VAT1L: variants seen among roughly 807,000 people sequenced by gnomAD.
The protein encoded by VAT1L is vesicle amine transport 1 like, also known as putative NADPH-dependent quinone oxidoreductase VAT1L.
A neutral mutation model predicts 44.1 loss-of-function variants in VAT1L; 34 were observed. The observed-to-expected ratio is 0.77, with a 90% CI of 0.59 to 1.03. VAT1L has a LOEUF of 1.03. Ranked by LOEUF, VAT1L falls within the 50% of genes least tolerant of loss-of-function variation. The probability of loss-of-function intolerance (pLI) is 0.00; values close to 1 mark genes in which losing one functional copy is unlikely to be tolerated. For missense variants in VAT1L, 615 were observed against 538.8 expected, an observed-to-expected ratio of 1.14 and a Z score of -1.40; for synonymous variants, 253 against 202.2, an observed-to-expected ratio of 1.25 and a Z score of -2.13.
intron 1 of VAT1L, among the ~76,000 whole-genome samples, chr16:77,795,306 A>T (rs914754343): frequency 2.0e-5 from 3 of 151,946 alleles, no homozygotes; most frequent in African/African-American, 7.3e-5. Context: ...TGAGAAATTA[A>T]GATTTGTTTT....
intron 7 of VAT1L, among the ~76,000 whole-genome samples, chr16:77,942,298 G>T (rs1487561165): frequency 2.6e-5 from 4 of 152,064 alleles, no homozygotes; most frequent in Non-Finnish European, 4.4e-5. Flanking sequence ...ACTATCACGT[G>T]AACAGCACAT....
At chr16:77,964,339 C>T (rs1291050511) in intron 7 of VAT1L, among the ~76,000 whole-genome samples, 4 of 152,158 alleles carry the variant, frequency 2.6e-5, no homozygotes, top group South Asian at 2.1e-4. Flanking sequence ...AGCAGGGCTG[C>T]GTTCCTCGTG....
intron 1 of VAT1L, among the ~76,000 whole-genome samples, chr16:77,790,893 G>A (rs1054469664): frequency 1.3e-5 from 2 of 152,188 alleles, no homozygotes; most frequent in African/African-American, 4.8e-5. Flanking sequence ...TGAAGGCCAA[G>A]AGATTGATTT....
At chr16:77,922,421 A>G (rs2017621983) in intron 7 of VAT1L, among the ~76,000 whole-genome samples, 1 of 152,218 alleles carries the variant, frequency 6.6e-6, no homozygotes, top group African/African-American at 2.4e-5. Context: ...AGCCACTGTT[A>G]GAAATGTGCT....
chr16:77,923,677 G>A (rs1043792448), intron 7 of VAT1L, among the ~76,000 whole-genome samples: 4 of 152,198 alleles, frequency 2.6e-5, no homozygotes, highest in African/African-American at 9.7e-5. Context: ...TCTGTAAAGT[G>A]AGGGAGATGG....
At position 77,872,696 on chromosome 16, in the gene VAT1L, G is replaced by A. The variant is rs561159265; in HGVS notation, c.723-3674G>A. ...TTCCCTCTGCTGCCAACCCTCAACA[G>A]AGGGTCATCTTCCAATGCTCGTAAG... On this transcript the variant is annotated intron_variant, in intron 4 of 8. Transcript: ENST00000302536. 4.6e-5 allele frequency among the ~76,000 whole-genome samples: 7 copies of A among 152,272 alleles called. No individual in the cohort carries two copies. The South Asian group carries it at 1.2e-3, about 27-fold the overall frequency.
At chr16:77,837,665 G>A (rs2016654258) in intron 3 of VAT1L, among the ~76,000 whole-genome samples, 1 of 152,210 alleles carries the variant, frequency 6.6e-6, no homozygotes, top group African/African-American at 2.4e-5. Flanking sequence ...AGATTCTGGA[G>A]TCAGAGCTGG....
rs779618718 is a variant in VAT1L, at chr16:77,968,381, G to C, written c.1078-3469G>C. Among the ~76,000 whole-genome samples, 17 of 152,324 alleles carry C rather than the reference G, an allele frequency of 1.1e-4. No homozygotes were observed. The South Asian group carries it at 1.5e-3, about 13-fold the overall frequency. ...TAGACAGAGTAGTGAGTTCCTGAAAGAGGAGGAACACGTTCACCCTGGGTA... is the reference window on the plus strand; with the variant it reads ...TAGACAGAGTAGTGAGTTCCTGAAACAGGAGGAACACGTTCACCCTGGGTA... On this transcript the variant is annotated intron_variant, in intron 7 of 8. Coordinates refer to ENST00000302536, the MANE Select transcript of VAT1L (RefSeq NM_020927.3).
At chr16:77,942,973 G>C (rs1263410442) in intron 7 of VAT1L, among the ~76,000 whole-genome samples, 1 of 151,832 alleles carries the variant, frequency 6.6e-6, no homozygotes, top group Non-Finnish European at 1.5e-5. Flanking sequence ...TCAAACTCCT[G>C]ATCTCAGGTG....
At chr16:77,926,778 G>A (rs1459725524) in intron 7 of VAT1L, among the ~76,000 whole-genome samples, 1 of 152,116 alleles carries the variant, frequency 6.6e-6, no homozygotes, top group Non-Finnish European at 1.5e-5. Flanking sequence ...CTGAGCCTTT[G>A]TTTCCAGCAC....
chr16:77,969,683 G>A (rs763517023), intron 7 of VAT1L, among the ~76,000 whole-genome samples: 1 of 152,062 alleles, frequency 6.6e-6, no homozygotes, highest in Non-Finnish European at 1.5e-5. Context: ...TTGCTTAGAA[G>A]CAAGTCACTA....
In VAT1L at chr16:77,977,564, C is replaced by A. The variant is rs778981330; in HGVS notation, c.1162-33C>A. The A allele has an allele frequency of 5.0e-6, 8 of 1,608,686 alleles. No homozygotes were observed. In the South Asian group the frequency reaches 8.9e-5, roughly 18 times the overall value. ...TCAGAGATGACGAGGCTGGGTTGCA[C>A]AACCCTCAATAACATCCTCTTTTGA... On this transcript the variant is annotated intron_variant, in intron 8 of 8. Coordinates refer to ENST00000302536, the MANE Select transcript of VAT1L (RefSeq NM_020927.3).
intron 7 of VAT1L, among the ~76,000 whole-genome samples, chr16:77,886,676 A>T (rs1476808923): frequency 6.6e-6 from 1 of 152,224 alleles, no homozygotes. Flanking sequence ...TCAGAGGAGT[A>T]GGAGGAGATA....
rs13332569 is a variant in VAT1L, at chr16:77,789,677, C to T, written c.233+762C>T. Reference sequence around the variant, plus strand: ...AACCCCCTCCATGCCCCTCTCCATCCTCTGTTTCTCCGAGAGGGGAAAAAA... The same window carrying T: ...AACCCCCTCCATGCCCCTCTCCATCTTCTGTTTCTCCGAGAGGGGAAAAAA... On this transcript the variant is annotated intron_variant, in intron 1 of 8. Coordinates refer to ENST00000302536, the MANE Select transcript of VAT1L (RefSeq NM_020927.3). Among the ~76,000 whole-genome samples, 1,421 of 152,256 alleles carry T rather than the reference C, an allele frequency of 9.3e-3. 23 individuals are homozygous for T. Among genetic ancestry groups the T allele is most frequent in the African/African-American group, 0.032 (1,315 of 41,558 alleles).
intron 7 of VAT1L, among the ~76,000 whole-genome samples, chr16:77,920,531 T>C (rs1272769107): frequency 6.6e-6 from 1 of 152,188 alleles, no homozygotes; most frequent in Non-Finnish European, 1.5e-5. Flanking sequence ...GAAATATGTA[T>C]GTGTTCATAT....
chr16:77,913,729 G>A (rs1362564255), intron 7 of VAT1L, among the ~76,000 whole-genome samples: 1 of 152,168 alleles, frequency 6.6e-6, no homozygotes, highest in African/African-American at 2.4e-5. Flanking sequence ...ATGCATAAAT[G>A]TGTATTGTAA....
At chr16:77,940,345 T>G (rs1025412386) in intron 7 of VAT1L, among the ~76,000 whole-genome samples, 1 of 145,438 alleles carries the variant, frequency 6.9e-6, no homozygotes, top group African/African-American at 2.7e-5. Context: ...ACTTGGTTTT[T>G]TTTTTTTTTT....
At chr16:77,804,556 A>G (rs899420131) in intron 1 of VAT1L, among the ~76,000 whole-genome samples, 12 of 152,174 alleles carry the variant, frequency 7.9e-5, no homozygotes, top group Non-Finnish European at 2.9e-5. Context: ...AACTTGTACA[A>G]CTGTATCCCA....
At chr16:77,846,336 C>T (rs28683605) in intron 3 of VAT1L, among the ~76,000 whole-genome samples, 1 of 152,116 alleles carries the variant, frequency 6.6e-6, no homozygotes, top group South Asian at 2.1e-4. Flanking sequence ...CCTCAGTGAA[C>T]CACAATGACA....
Sources: gnomAD v4.1 joint callset for allele counts (sites outside exome capture counted in the v4.1 genomes callset) on GRCh38, gnomAD v4.1.1 for gene constraint, MANE v1.5 for transcripts, NCBI Gene and HGNC (gene_info 2026-07-23, HGNC 2026-07-21) for gene names.